Variants in LRRC4C observed in about 807,000 individuals in gnomAD.
The protein encoded by LRRC4C is leucine-rich repeat-containing protein 4C.
LRRC4C carries 5 observed loss-of-function variants against 33.6 expected under a neutral mutation model. That is an observed-to-expected ratio of 0.15 (90% CI 0.08 to 0.31). LRRC4C has a LOEUF of 0.31. Among genes scored for constraint, LRRC4C ranks in the 10% least tolerant of loss-of-function variants. The pLI, the probability that LRRC4C is intolerant of heterozygous loss-of-function variation, is 1.00. For missense variants in LRRC4C, 560 were observed against 796.7 expected (o/e 0.70, Z 3.58); for synonymous variants, 329 against 302.0 (o/e 1.09, Z -0.93).
intron 3 of LRRC4C, chr11:40,445,512 T>C (rs7927006): frequency 6.5e-6 from 1 of 154,994 alleles, no homozygotes; most frequent in East Asian, 1.9e-4. Context: ...CATTCATAGG[T>C]TTTTTCCAAG....
intron 3 of LRRC4C, among the ~76,000 whole-genome samples, chr11:40,455,955 G>A (rs1305840575): frequency 6.6e-6 from 1 of 152,082 alleles, no homozygotes; most frequent in African/African-American, 2.4e-5. Context: ...ATGTTCCAAT[G>A]AGGAAGTGTG....
chr11:40,745,267 C>G (rs989474717), intron 2 of LRRC4C, among the ~76,000 whole-genome samples: 1 of 152,024 alleles, frequency 6.6e-6, no homozygotes, highest in Admixed American at 6.6e-5. Flanking sequence ...CTGTTCTTTC[C>G]AAAGGGTAGG....
At chr11:40,768,534 A>T (rs1459626284) in intron 2 of LRRC4C, among the ~76,000 whole-genome samples, 1 of 152,130 alleles carries the variant, frequency 6.6e-6, no homozygotes, top group Non-Finnish European at 1.5e-5. Context: ...AAAAGGAGAC[A>T]CCACAAAAAG....
chr11:40,699,502 T>C (rs1194785929), intron 2 of LRRC4C, among the ~76,000 whole-genome samples: 1 of 152,208 alleles, frequency 6.6e-6, no homozygotes, highest in East Asian at 1.9e-4. Flanking sequence ...CAAAATCACA[T>C]ATATGCCATC....
At chr11:40,676,392 C>T (rs1944403846) in intron 2 of LRRC4C, among the ~76,000 whole-genome samples, 1 of 152,120 alleles carries the variant, frequency 6.6e-6, no homozygotes, top group Non-Finnish European at 1.5e-5. Flanking sequence ...TCTAATTTAA[C>T]CTCCTACACT....
intron 1 of LRRC4C, among the ~76,000 whole-genome samples, chr11:41,254,152 G>T (rs1948726294): frequency 1.3e-5 from 2 of 151,920 alleles, no homozygotes; most frequent in Non-Finnish European, 2.9e-5. Context: ...AATATTTTAT[G>T]CAGTTGACAG....
At chr11:41,277,335 C>T (rs1949516714) in intron 1 of LRRC4C, among the ~76,000 whole-genome samples, 1 of 152,074 alleles carries the variant, frequency 6.6e-6, no homozygotes, top group Non-Finnish European at 1.5e-5. Context: ...ATATTATTTG[C>T]CATTACACTC....
At chr11:40,519,615 GACTA>G (rs1238975970) in intron 3 of LRRC4C, among the ~76,000 whole-genome samples, 4 of 152,228 alleles carry the variant, frequency 2.6e-5, no homozygotes, top group East Asian at 1.9e-4. Context: ...CTATTTAGAT[GACTA>G]ACTGTCTTCA....
chr11:41,325,429 A>G (rs1000382585), intron 1 of LRRC4C, among the ~76,000 whole-genome samples: 3 of 152,040 alleles, frequency 2.0e-5, no homozygotes, highest in Non-Finnish European at 4.4e-5. Context: ...ATTTCACTTT[A>G]TTTGCAGTAT....
chr11:41,033,846 G>A (rs1856871130), intron 1 of LRRC4C, among the ~76,000 whole-genome samples: 2 of 152,106 alleles, frequency 1.3e-5, no homozygotes, highest in Non-Finnish European at 2.9e-5. Flanking sequence ...TTGTCAAAAA[G>A]TACACAATTT....
At chr11:40,721,279 A>C (rs1479344894) in intron 2 of LRRC4C, among the ~76,000 whole-genome samples, 2 of 152,150 alleles carry the variant, frequency 1.3e-5, no homozygotes, top group Non-Finnish European at 2.9e-5. Context: ...AAGAAGCTTG[A>C]GAGAGTTTGT....
intron 1 of LRRC4C, among the ~76,000 whole-genome samples, chr11:41,226,369 T>G (rs1947535158): frequency 6.6e-6 from 1 of 152,102 alleles, no homozygotes; most frequent in Non-Finnish European, 1.5e-5. Flanking sequence ...TCCTCACTCT[T>G]GACAGGAAAG....
chr11:40,821,422 G>T (rs575951527), intron 2 of LRRC4C, among the ~76,000 whole-genome samples: 1 of 151,674 alleles, frequency 6.6e-6, no homozygotes, highest in South Asian at 2.1e-4. Context: ...TCAAGGCAGG[G>T]TATAATCGGT....
chr11:40,879,466 A>G (rs1374093348), intron 2 of LRRC4C, among the ~76,000 whole-genome samples: 1 of 152,198 alleles, frequency 6.6e-6, no homozygotes, highest in African/African-American at 2.4e-5. Flanking sequence ...TCATCCTACA[A>G]ATGCGTGAAT....
intron 2 of LRRC4C, among the ~76,000 whole-genome samples, chr11:40,740,854 C>A (rs1023749696): frequency 6.6e-6 from 1 of 151,960 alleles, no homozygotes; most frequent in Non-Finnish European, 1.5e-5. Flanking sequence ...ATGTGAATAA[C>A]CAATTTGTCC....
chr11:41,123,805 T>A (rs560954779), intron 1 of LRRC4C, among the ~76,000 whole-genome samples: 1 of 152,208 alleles, frequency 6.6e-6, no homozygotes, highest in Non-Finnish European at 1.5e-5. Context: ...TGTGGTTTAA[T>A]CAATGCAGAG....
At chr11:40,253,740 A>T (rs1201760437) in intron 4 of LRRC4C, among the ~76,000 whole-genome samples, 1 of 152,190 alleles carries the variant, frequency 6.6e-6, no homozygotes, top group Non-Finnish European at 1.5e-5. Context: ...GACGTAAGCC[A>T]CCTGAGGGAA....
chr11:40,503,788 G>C (rs570523891), intron 3 of LRRC4C, among the ~76,000 whole-genome samples: 2 of 152,300 alleles, frequency 1.3e-5, no homozygotes, highest in South Asian at 4.1e-4. Flanking sequence ...TATTTTATTA[G>C]TGTGGTTTTA....
intron 1 of LRRC4C, among the ~76,000 whole-genome samples, chr11:41,282,955 G>A (rs1296383386): frequency 6.6e-6 from 1 of 151,932 alleles, no homozygotes; most frequent in East Asian, 1.9e-4. Flanking sequence ...GAGCCAACAG[G>A]GGAGAAAAAA....
Sources: gnomAD v4.1 joint callset for allele counts (sites outside exome capture counted in the v4.1 genomes callset) on GRCh38, gnomAD v4.1.1 for gene constraint, MANE v1.5 for transcripts, NCBI Gene and HGNC (gene_info 2026-07-23, HGNC 2026-07-21) for gene names.